SYN3: variants seen among roughly 807,000 people sequenced by gnomAD.
SYN3 encodes synapsin III.
Under a neutral mutation model 65.8 loss-of-function variants are expected in SYN3, and 35 were observed. The ratio of observed to expected loss-of-function variants is 0.53; its 90% confidence interval spans 0.41 to 0.70. SYN3 has a LOEUF of 0.70. Ranked by LOEUF, SYN3 falls within the 30% of genes least tolerant of loss-of-function variation. The probability of loss-of-function intolerance (pLI) is 0.00; values close to 1 mark genes in which losing one functional copy is unlikely to be tolerated. For missense variants in SYN3, 680 were observed against 749.0 expected (o/e 0.91, Z 1.08); for synonymous variants, 270 against 292.9 (o/e 0.92, Z 0.80).
At chr22:32,539,670 G>GA (rs1323775308) in intron 8 of SYN3, among the ~76,000 whole-genome samples, 1 of 152,066 alleles carries the variant, frequency 6.6e-6, no homozygotes, top group African/African-American at 2.4e-5. Context: ...AGTCTGACAT[G>GA]AACCCCCTCC....
chr22:33,000,981 G>A (rs2053043884), intron 2 of SYN3, among the ~76,000 whole-genome samples: 1 of 152,216 alleles, frequency 6.6e-6, no homozygotes, highest in African/African-American at 2.4e-5. Flanking sequence ...AGAAAGCCGG[G>A]AAAGTGTTGC....
intron 6 of SYN3, among the ~76,000 whole-genome samples, chr22:32,615,160 C>G (rs957490801): frequency 6.6e-6 from 1 of 152,086 alleles, no homozygotes; most frequent in African/African-American, 2.4e-5. Context: ...TGCCTGTAAT[C>G]CCAGCCATGG....
At chr22:32,764,476 T>C (rs1195825327) in intron 6 of SYN3, among the ~76,000 whole-genome samples, 2 of 152,012 alleles carry the variant, frequency 1.3e-5, no homozygotes, top group Non-Finnish European at 2.9e-5. Flanking sequence ...CTGCTGCGGG[T>C]GCTGGAGGAA....
At chr22:32,564,422 C>G (rs1317567236) in intron 7 of SYN3, among the ~76,000 whole-genome samples, 1 of 152,200 alleles carries the variant, frequency 6.6e-6, no homozygotes, top group African/African-American at 2.4e-5. Context: ...CATGGCCAGC[C>G]TTTATTGAAT....
chr22:32,732,557 C>T (rs1569180874), intron 6 of SYN3, among the ~76,000 whole-genome samples: 1 of 152,216 alleles, frequency 6.6e-6, no homozygotes, highest in Non-Finnish European at 1.5e-5. Flanking sequence ...CAAATCCCAA[C>T]TCCACTGCTT....
chr22:33,007,221 C>T (rs1414474020), intron 1 of SYN3, among the ~76,000 whole-genome samples: 1 of 152,156 alleles, frequency 6.6e-6, no homozygotes, highest in Non-Finnish European at 1.5e-5. Context: ...GAAACAATTT[C>T]ATGTTCTAAT....
intron 6 of SYN3, among the ~76,000 whole-genome samples, chr22:32,742,597 CAG>C (rs1193971068): frequency 3.3e-5 from 5 of 152,178 alleles, no homozygotes; most frequent in African/African-American, 9.7e-5. Context: ...GACAAGGAAA[CAG>C]AGGATCAGAG....
intron 4 of SYN3, among the ~76,000 whole-genome samples, chr22:32,904,661 T>G (rs989734275): frequency 6.6e-6 from 1 of 152,176 alleles, no homozygotes; most frequent in East Asian, 1.9e-4. Flanking sequence ...AATCTCCTTA[T>G]GCATATAGAG....
Position 32,510,145 on chromosome 22 carries a change from G to C in SYN3, c.*3547C>G, listed in dbSNP as rs191145924. On this transcript the variant is annotated 3_prime_UTR_variant, in exon 14 of 14. Coordinates refer to ENST00000358763, the MANE Select transcript of SYN3 (RefSeq NM_003490.4). ...ACTAGTTTCACTCACTAAAGGAGTGGGTTCGTAGCTGCGTTGGAGACTGCA... is the reference window on the plus strand; with the variant it reads ...ACTAGTTTCACTCACTAAAGGAGTGCGTTCGTAGCTGCGTTGGAGACTGCA... Among the ~76,000 whole-genome samples, 94 of 152,266 alleles carry C rather than the reference G, an allele frequency of 6.2e-4. No individual in the cohort carries two copies. Among genetic ancestry groups the C allele is most frequent in the Admixed American group, 1.1e-3 (17 of 15,302 alleles).
intron 6 of SYN3, among the ~76,000 whole-genome samples, chr22:32,755,861 C>A (rs149818669): frequency 3.8e-4 from 58 of 152,184 alleles, no homozygotes; most frequent in African/African-American, 1.3e-3. Flanking sequence ...TAAAACGTGG[C>A]CCATATGCAC....
intron 4 of SYN3, among the ~76,000 whole-genome samples, chr22:32,871,248 G>C (rs5754317): frequency 6.6e-6 from 1 of 152,216 alleles, no homozygotes; most frequent in Admixed American, 6.5e-5. Context: ...TAAAAAAAGA[G>C]GATGCCCTTC....
chr22:32,991,945 G>T (rs1231790340), intron 2 of SYN3, among the ~76,000 whole-genome samples: 1 of 152,210 alleles, frequency 6.6e-6, no homozygotes, highest in Non-Finnish European at 1.5e-5. Context: ...AATGAGGCTG[G>T]CATCTGCCCA....
intron 6 of SYN3, among the ~76,000 whole-genome samples, chr22:32,646,164 G>C (rs2146919415): frequency 6.6e-6 from 1 of 152,284 alleles, no homozygotes; most frequent in East Asian, 1.9e-4. Context: ...CAGAGCAGTG[G>C]AGATGCATGG....
intron 7 of SYN3, among the ~76,000 whole-genome samples, chr22:32,573,874 A>G (rs2058813919): frequency 6.9e-6 from 1 of 144,172 alleles, no homozygotes; most frequent in Non-Finnish European, 1.5e-5. Context: ...GGTTCAAGTG[A>G]TTCTCCTGCC....
At chr22:32,636,127 C>T (rs890826029) in intron 6 of SYN3, among the ~76,000 whole-genome samples, 10 of 152,146 alleles carry the variant, frequency 6.6e-5, no homozygotes, top group African/African-American at 2.2e-4. Context: ...CACGGCCGGG[C>T]GTGGTGGCTC....
At chr22:32,957,672 A>G (rs2051508346) in intron 3 of SYN3, among the ~76,000 whole-genome samples, 1 of 152,184 alleles carries the variant, frequency 6.6e-6, no homozygotes, top group Non-Finnish European at 1.5e-5. Context: ...TGCTCCAAGC[A>G]TTTAAGGCAG....
At chr22:32,922,120 A>G (rs987309565) in intron 4 of SYN3, among the ~76,000 whole-genome samples, 1 of 152,224 alleles carries the variant, frequency 6.6e-6, no homozygotes, top group Non-Finnish European at 1.5e-5. Context: ...CCTAAAAGTC[A>G]GATGCATGGA....
Position 32,997,212 on chromosome 22 carries a change from G to A in SYN3, c.311+9140C>T, listed in dbSNP as rs2052906740. On this transcript the variant is annotated intron_variant, in intron 2 of 13. Coordinates refer to ENST00000358763, the MANE Select transcript of SYN3 (RefSeq NM_003490.4). ...TATGTATACAATGAGAATAGTACTG[G>A]TGCCCCATACAGTTATTGGGAGAGC... 2.0e-5 allele frequency among the ~76,000 whole-genome samples: 3 copies of A among 152,146 alleles called. No individual in the cohort carries two copies. The South Asian group carries it at 6.2e-4, about 31-fold the overall frequency.
At chr22:32,715,321 AT>A in intron 6 of SYN3, among the ~76,000 whole-genome samples, 1 of 152,280 alleles carries the variant, frequency 6.6e-6, no homozygotes, top group Non-Finnish European at 1.5e-5. Context: ...ACAGCTGTTT[AT>A]TTAGCTCAGT....
Sources: gnomAD v4.1 joint callset for allele counts (sites outside exome capture counted in the v4.1 genomes callset) on GRCh38, gnomAD v4.1.1 for gene constraint, MANE v1.5 for transcripts, NCBI Gene and HGNC (gene_info 2026-07-23, HGNC 2026-07-21) for gene names.